Variants in PKD1L3 observed in about 807,000 individuals in gnomAD.
PKD1L3 encodes polycystin-1-like protein 3.
In PKD1L3, 239 loss-of-function variants were observed where a neutral mutation model predicts 184.1. The observed-to-expected ratio is 1.30, with a 90% confidence interval of 1.17 to 1.45. The LOEUF (loss-of-function observed/expected upper bound fraction) is 1.45, where lower values mean the gene tolerates loss of function less well. Among genes scored for constraint, PKD1L3 ranks in the 40% most tolerant of loss-of-function variants. PKD1L3 has a pLI of 0.00. For synonymous variants in PKD1L3, 996 were observed against 778.8 expected (o/e 1.28, Z -4.64); for missense variants, 2,660 against 2,067.2 (o/e 1.29, Z -5.56).
intron 1 of PKD1L3, among the ~76,000 whole-genome samples, 180 bp from the exon 2 acceptor site, chr16:71,998,574 C>G (rs2040868097): frequency 6.6e-6 from 1 of 152,188 alleles, no homozygotes; most frequent in African/African-American, 2.4e-5. Flanking sequence ...CCTCAGCCTC[C>G]CAAGTAGCTG....
In PKD1L3 at chr16:71,969,977, C is replaced by T. The variant is rs1238820640; in HGVS notation, c.2082G>A (p.Val694=). 3 of 1,551,752 alleles carry T rather than the reference C, an allele frequency of 1.9e-6. No homozygotes were observed. The highest frequency in any genetic ancestry group is 2.6e-6 in the Non-Finnish European group (3 of 1,147,020). ...GTGACACCCCAACAGGATTGTTGGT[C>T]ACGCGAAGGAACAGTTTGATCGTGT... ...VEDTIKLFLR[V]TNNPVGVSLL... is the part of the protein sequence containing the mutation. Residue 694 remains valine (V), a synonymous_variant, in exon 13 of 30, where the codon GTG becomes GTA. Transcript: ENST00000620267.
chr16:71,970,523 A>T (rs1416603433), intron 12 of PKD1L3, among the ~76,000 whole-genome samples: 3 of 152,174 alleles, frequency 2.0e-5, no homozygotes, highest in Non-Finnish European at 2.9e-5. Context: ...AAAATGAATG[A>T]ATCAGCGGGT....
intron 5 of PKD1L3, 102 bp from the exon 6 acceptor site, chr16:71,984,269 T>C: frequency 8.2e-7 from 1 of 1,219,180 alleles, no homozygotes; most frequent in Non-Finnish European, 1.1e-6. Flanking sequence ...GGTAACTTTA[T>C]AAACCCTATG....
At position 71,998,365 on chromosome 16, in the gene PKD1L3, G is replaced by T; in HGVS notation, c.325C>A (p.Pro109Thr). ...ADVAANGPPK[P>T]LSCTYLSRNF... ...CTGGACAGGTAGGTGCAGCTGAGGG[G>T]CTTTGGGGGCCCGTTGGCTGCAACG... is the stretch of plus-strand genomic sequence containing the variant. Residue 109 changes from proline (P) to threonine (T), a missense_variant, in exon 2 of 30, where the codon CCC becomes ACC. Pro to Thr is a conservative substitution (Grantham distance 38). Coordinates refer to ENST00000620267, the MANE Select transcript of PKD1L3 (RefSeq NM_181536.2). The T allele has an allele frequency of 6.4e-7, 1 of 1,551,760 alleles. No individual in the cohort carries two copies. Among genetic ancestry groups the T allele is most frequent in the South Asian group, 1.2e-5 (1 of 84,054 alleles).
intron 4 of PKD1L3, 35 bp from the exon 5 acceptor site, chr16:71,986,504 A>T: frequency 6.5e-7 from 1 of 1,529,086 alleles, no homozygotes. Context: ...AAAAGACTGA[A>T]TCTGATTTTA....
At chr16:71,938,352 G>A (rs573881734) in intron 24 of PKD1L3, among the ~76,000 whole-genome samples, 3 of 152,252 alleles carry the variant, frequency 2.0e-5, no homozygotes, top group Non-Finnish European at 2.9e-5. Flanking sequence ...GGTAAGGGGG[G>A]GCTGAGGGTG....
rs1328816786 is a variant in PKD1L3, at chr16:71,984,103, A to C, written c.899T>G (p.Leu300Arg). 1 of 1,552,178 alleles carries C rather than the reference A, an allele frequency of 6.4e-7. No individual in the cohort carries two copies. The highest frequency in any genetic ancestry group is 8.7e-7 in the Non-Finnish European group (1 of 1,147,074). ...AVHGLQALNK[L>R]QEACEFLQKL... ...CTGGAGGAACTCACAAGCTTCCTGT[A>C]GTTTGTTAAGAGCTTGCAAACCATG... Residue 300 changes from leucine to arginine, a missense_variant, in exon 6 of 30, where the codon CTA becomes CGA. By Grantham distance (102) the Leu-to-Arg change is moderately radical (BLOSUM62 -2). Coordinates refer to ENST00000620267, the MANE Select transcript of PKD1L3 (RefSeq NM_181536.2).
chr16:71,943,000 A>G lies in PKD1L3; in HGVS notation c.3884T>C (p.Leu1295Ser), dbSNP rs773721879. ...ILVQILFLTL[L>S]MTAIYSAKNS... The stretch of plus-strand genomic sequence containing the variant: ...CTTTGCAGAGTAGATTGCAGTCATC[A>G]ACAGGGTAAGGAAGAGGATTTGTAC... Residue 1295 changes from leucine to serine, a missense_variant, in exon 24 of 30, where the codon TTG becomes TCG. By Grantham distance (145) the Leu-to-Ser change is moderately radical. Coordinates refer to ENST00000620267, the MANE Select transcript of PKD1L3 (RefSeq NM_181536.2). 6.4e-7 allele frequency: 1 copy of G among 1,551,124 alleles called. No individual in the cohort carries two copies. Among genetic ancestry groups the G allele is most frequent in the South Asian group, 1.2e-5 (1 of 84,052 alleles).
rs34849069 is a variant in PKD1L3, at chr16:71,952,195, A to ATTT, written c.3010-454_3010-452dup. Among the ~76,000 whole-genome samples the ATTT allele has an allele frequency of 4.5e-3, 231 of 50,828 alleles. 35 individuals are homozygous for ATTT. The highest frequency in any genetic ancestry group is 0.029 in the East Asian group (39 of 1,348). 33.3% of individuals were successfully genotyped at this position (50,828 alleles called of 152,430 possible). A position where few individuals can be genotyped will look rare whatever the true frequency, so the allele number is the denominator to read the frequency against. ...ACTGCGTGGGGAAAGGGAGCATGTC[A>ATTT]TTTTTTTTTTTTTTTTTTTTTTTTT... On this transcript the variant is annotated intron_variant, in intron 18 of 29. Coordinates refer to ENST00000620267, the MANE Select transcript of PKD1L3 (RefSeq NM_181536.2).
intron 11 of PKD1L3, 81 bp from the exon 12 acceptor site, chr16:71,973,598 T>G (rs773700628): frequency 3.3e-5 from 41 of 1,252,444 alleles, no homozygotes; most frequent in Non-Finnish European, 4.0e-5. Context: ...GGATCTATTA[T>G]TAATATTTTA....
At chr16:71,992,454 A>C (rs1046898863) in intron 3 of PKD1L3, among the ~76,000 whole-genome samples, 5 of 152,246 alleles carry the variant, frequency 3.3e-5, no homozygotes, top group African/African-American at 1.2e-4. Flanking sequence ...TGCGGGACAC[A>C]GCTTAAACAT....
intron 22 of PKD1L3, among the ~76,000 whole-genome samples, chr16:71,946,613 T>C (rs1213233809): frequency 6.6e-6 from 1 of 151,574 alleles, no homozygotes; most frequent in Non-Finnish European, 1.5e-5. Context: ...GGTGACTAAA[T>C]GTGGAAACTA....
chr16:71,984,732 A>G (rs944513485), intron 5 of PKD1L3, among the ~76,000 whole-genome samples: 6 of 152,104 alleles, frequency 3.9e-5, no homozygotes, highest in Non-Finnish European at 7.4e-5. Flanking sequence ...GGTGGTGTAC[A>G]CCTGTAGTCC....
chr16:71,985,020 A>C (rs957961727), intron 5 of PKD1L3, among the ~76,000 whole-genome samples: 1 of 152,148 alleles, frequency 6.6e-6, no homozygotes, highest in Non-Finnish European at 1.5e-5. Flanking sequence ...ACCCTGAGAC[A>C]ATCACCATTA....
chr16:71,963,155 T>C (rs912329026), intron 16 of PKD1L3, 50 bp downstream of exon 16: 10 of 1,464,754 alleles, frequency 6.8e-6, no homozygotes, highest in Non-Finnish European at 9.1e-6. Context: ...AACAATTCAA[T>C]TAATAGTGAA....
chr16:71,952,968 G>T lies in PKD1L3; in HGVS notation c.2935C>A (p.Leu979Ile), dbSNP rs1274953144. The part of the protein sequence containing the change: ...PLIEPQETLP[L>I]FPPIQASCLS... ...CAGGAGGCCTGGATGGGAGGAAAGA[G>T]GGGCAGAGTCTCCTGTGGCTCAATC... Residue 979 changes from leucine to isoleucine, a missense_variant, in exon 18 of 30, where the codon CTC (leucine) becomes ATC (isoleucine). Coordinates refer to ENST00000620267, the MANE Select transcript of PKD1L3 (RefSeq NM_181536.2). 7 of 1,550,282 alleles carry T rather than the reference G, an allele frequency of 4.5e-6. No homozygotes were observed. Among genetic ancestry groups the T allele is most frequent in the Non-Finnish European group, 6.1e-6 (7 of 1,146,502 alleles).
intron 2 of PKD1L3, 86 bp from the exon 3 acceptor site, chr16:71,993,418 G>A: frequency 3.7e-6 from 3 of 821,490 alleles, no homozygotes; most frequent in Non-Finnish European, 5.5e-6. Context: ...GCACGTATGT[G>A]ATAATCAGGA....
intron 15 of PKD1L3, among the ~76,000 whole-genome samples, chr16:71,966,528 G>C (rs1187960110): frequency 6.6e-6 from 1 of 150,940 alleles, no homozygotes; most frequent in Admixed American, 6.7e-5. Context: ...CGAGGCTCAA[G>C]TTATCCTCCC....
Position 71,954,202 on chromosome 16 carries a change from T to A in PKD1L3, c.2712A>T (p.Gln904His). The change falls in exon 17 of 30, where the codon CAA (glutamine) becomes CAT (histidine). Residue 904 changes from glutamine to histidine, a missense_variant. Coordinates refer to ENST00000620267, the MANE Select transcript of PKD1L3 (RefSeq NM_181536.2). ...GCAGTGTCATGCAGCAAGACAGCCG[T>A]TGGACCCTTGTAAACTGGTTCCAGG... ...RHPWNQFTRV[Q>H]RLSCCMTLLL... 1.9e-6 allele frequency: 3 copies of A among 1,551,872 alleles called. No homozygotes were observed.
Sources: allele counts gnomAD v4.1 joint callset (sites outside exome capture counted in the v4.1 genomes callset), GRCh38; gene constraint gnomAD v4.1.1; transcripts MANE v1.5; gene names NCBI Gene and HGNC (gene_info 2026-07-23, HGNC 2026-07-21).